TLE1: variants seen among roughly 807,000 people sequenced by gnomAD.
The protein encoded by TLE1 is TLE family member 1, transcriptional corepressor, also known as transducin-like enhancer protein 1.
Under a neutral mutation model 89.8 loss-of-function variants are expected in TLE1, and 21 were observed. The ratio of observed to expected loss-of-function variants is 0.23; its 90% confidence interval spans 0.17 to 0.34. The LOEUF (loss-of-function observed/expected upper bound fraction) is 0.34. TLE1 is among the 10% of genes least tolerant of loss of function. The pLI, the probability that TLE1 is intolerant of heterozygous loss-of-function variation, is 1.00. For missense variants in TLE1, 795 were observed against 1,031.2 expected (o/e 0.77, Z 3.14); for synonymous variants, 447 against 407.6 (o/e 1.10, Z -1.16).
At chr9:81,636,873 G>GTGC in intron 6 of TLE1, among the ~76,000 whole-genome samples, 3 of 151,804 alleles carry the variant, frequency 2.0e-5, no homozygotes, top group African/African-American at 7.3e-5. Context: ...TGTGGTGGCG[G>GTGC]ATGCCTGTAA....
At chr9:81,673,777 C>G (rs1393185239) in intron 4 of TLE1, among the ~76,000 whole-genome samples, 1 of 152,092 alleles carries the variant, frequency 6.6e-6, no homozygotes, top group Admixed American at 6.5e-5. Flanking sequence ...TATGACAACT[C>G]TAATGTTGTC....
intron 9 of TLE1, among the ~76,000 whole-genome samples, chr9:81,618,462 G>A (rs951835018): frequency 3.3e-5 from 5 of 152,056 alleles, no homozygotes; most frequent in Admixed American, 2.0e-4. Flanking sequence ...CTTCAATAGC[G>A]TGTTACAAGA....
At chr9:81,588,894 C>T (rs572360424) in intron 16 of TLE1, among the ~76,000 whole-genome samples, 2 of 152,264 alleles carry the variant, frequency 1.3e-5, no homozygotes, top group South Asian at 4.2e-4. Flanking sequence ...CTGTAGAGCT[C>T]CAAACTTTTA....
chr9:81,660,099 C>A (rs2627002), intron 4 of TLE1, among the ~76,000 whole-genome samples: 138,093 of 152,194 alleles, frequency 0.91, 62,656 homozygotes, highest in Admixed American at 0.91. Flanking sequence ...AGCTTTCTAC[C>A]TAAAAGCCTT....
chr9:81,600,081 C>G (rs760806106), intron 14 of TLE1: 3 of 740,042 alleles, frequency 4.1e-6, no homozygotes, highest in Admixed American at 1.9e-5. Context: ...TACACGTTTC[C>G]AAACTTCTCA....
chr9:81,678,891 A>T (rs1422948815), intron 4 of TLE1, among the ~76,000 whole-genome samples: 1 of 152,172 alleles, frequency 6.6e-6, no homozygotes, highest in Non-Finnish European at 1.5e-5. Flanking sequence ...CTGTAATGCC[A>T]ACACTTTGGG....
chr9:81,662,361 T>TTG (rs371936084), intron 4 of TLE1, among the ~76,000 whole-genome samples: 22,830 of 138,004 alleles, frequency 0.17, 1,826 homozygotes, highest in East Asian at 0.21. Flanking sequence ...TGTGCCTGTT[T>TTG]TGTGTGTGTG....
intron 9 of TLE1, among the ~76,000 whole-genome samples, chr9:81,618,089 C>T (rs956166979): frequency 5.9e-5 from 9 of 152,072 alleles, no homozygotes; most frequent in African/African-American, 2.2e-4. Flanking sequence ...TTGAGGCAGG[C>T]TGAAAAAGTC....
At chr9:81,652,157 T>C (rs1441648188) in intron 6 of TLE1, 57 bp downstream of exon 6, 5 of 1,465,748 alleles carry the variant, frequency 3.4e-6, no homozygotes, top group Non-Finnish European at 3.8e-6. Context: ...ATCAAATTAA[T>C]AAGAAATGAA....
At chr9:81,677,847 G>A (rs1234078185) in intron 4 of TLE1, among the ~76,000 whole-genome samples, 2 of 152,142 alleles carry the variant, frequency 1.3e-5, no homozygotes, top group African/African-American at 4.8e-5. Context: ...AGATTTCAGG[G>A]ATGATCAGCA....
chr9:81,687,151 CAAGAG>C (rs1383793235), intron 2 of TLE1, among the ~76,000 whole-genome samples, 178 bp downstream of exon 2: 1 of 152,196 alleles, frequency 6.6e-6, no homozygotes, highest in African/African-American at 2.4e-5. Context: ...GAGGAGGAGA[CAAGAG>C]AAGAGGCGGC....
intron 8 of TLE1, 44 bp downstream of exon 8, chr9:81,633,288 CGTGTGTGTGTGTGTGT>C (rs56327119): frequency 2.0e-4 from 313 of 1,566,156 alleles, no homozygotes; most frequent in Admixed American, 9.2e-4. Context: ...AGAAGGGGAC[CGTGTGTGTGTGTGTGT>C]GTGTGTGTGT....
chr9:81,657,821 A>G (rs1022963787), intron 4 of TLE1, among the ~76,000 whole-genome samples: 12 of 151,964 alleles, frequency 7.9e-5, no homozygotes, highest in African/African-American at 2.9e-4. Flanking sequence ...ACCTAATACA[A>G]TGTAAATCCT....
intron 4 of TLE1, among the ~76,000 whole-genome samples, chr9:81,678,416 C>G (rs1266295047): frequency 6.6e-6 from 1 of 152,074 alleles, no homozygotes; most frequent in Admixed American, 6.5e-5. Flanking sequence ...GATAGGGTCT[C>G]GCTATGTTGG....
intron 4 of TLE1, among the ~76,000 whole-genome samples, chr9:81,655,755 A>C (rs1243969767): frequency 2.6e-5 from 4 of 151,948 alleles, no homozygotes; most frequent in African/African-American, 9.7e-5. Context: ...AGAATGGAAA[A>C]AGACAAAGTA....
chr9:81,634,266 G>A lies in TLE1; in HGVS notation c.408C>T (p.Gly136=). The change falls in exon 7 of 20, where the codon GGC becomes GGT. Residue 136 remains glycine, a synonymous_variant. Transcript: ENST00000376499. ...QQLQAQHLSH[G]HGPPVPLTPH... The stretch of plus-strand genomic sequence containing the variant: ...GCGTAAGGGGAACTGGGGGTCCGTG[G>A]CCATGAGAAAGATGCTGAGCTTGCA... 5 of 1,555,240 alleles carry A rather than the reference G, an allele frequency of 3.2e-6. No individual in the cohort carries two copies. The highest frequency in any genetic ancestry group is 1.3e-5 in the African/African-American group (1 of 74,106).
intron 6 of TLE1, among the ~76,000 whole-genome samples, chr9:81,643,324 C>G (rs201420106): frequency 1.3e-5 from 2 of 151,920 alleles, no homozygotes; most frequent in Non-Finnish European, 2.9e-5. Flanking sequence ...GCAACCTCCA[C>G]CTCCTGGGTT....
intron 4 of TLE1, among the ~76,000 whole-genome samples, chr9:81,668,446 A>C (rs1209301949): frequency 5.3e-5 from 8 of 152,316 alleles, no homozygotes; most frequent in African/African-American, 1.9e-4. Flanking sequence ...GTATGGATTC[A>C]CAGAATATTG....
At chr9:81,650,122 A>C (rs762063797) in intron 6 of TLE1, among the ~76,000 whole-genome samples, 14 of 151,998 alleles carry the variant, frequency 9.2e-5, no homozygotes, top group Non-Finnish European at 1.8e-4. Context: ...CTTTATAATA[A>C]CCTCCACAAC....
Sources: gnomAD v4.1 joint callset for allele counts (sites outside exome capture counted in the v4.1 genomes callset) on GRCh38, gnomAD v4.1.1 for gene constraint, MANE v1.5 for transcripts, NCBI Gene and HGNC (gene_info 2026-07-23, HGNC 2026-07-21) for gene names.